The following KLHL29 variants were observed in gnomAD, a reference collection of about 807,000 sequenced individuals.
The protein encoded by KLHL29 is kelch-like protein 29.
KLHL29 carries 21 observed loss-of-function variants against 80.4 expected under a neutral mutation model. The observed-to-expected ratio is 0.26, with a 90% CI of 0.19 to 0.38. KLHL29 has a LOEUF of 0.38. KLHL29 is among the 10% of genes least tolerant of loss of function. The pLI is 1.00. For synonymous variants in KLHL29, 511 were observed against 526.8 expected, an observed-to-expected ratio of 0.97 and a Z score of 0.41; for missense variants, 867 against 1,223.9, an observed-to-expected ratio of 0.71 and a Z score of 4.35.
intron 1 of KLHL29, among the ~76,000 whole-genome samples, chr2:23,393,909 C>T (rs1056850958): frequency 2.6e-5 from 4 of 152,146 alleles, no homozygotes; most frequent in African/African-American, 9.7e-5. Context: ...CCCCTCCCTT[C>T]CCCCTGGGCT....
At chr2:23,611,893 A>C (rs1285124409) in intron 3 of KLHL29, among the ~76,000 whole-genome samples, 1 of 152,054 alleles carries the variant, frequency 6.6e-6, no homozygotes, top group Non-Finnish European at 1.5e-5. Flanking sequence ...CCAAAAAAAA[A>C]AAAGGATTAT....
At chr2:23,441,371 T>C (rs1663516403) in intron 1 of KLHL29, among the ~76,000 whole-genome samples, 1 of 151,388 alleles carries the variant, frequency 6.6e-6, no homozygotes, top group Middle Eastern at 3.2e-3. Context: ...GGAGATATAC[T>C]TAATGCTAAA....
intron 2 of KLHL29, among the ~76,000 whole-genome samples, chr2:23,521,827 A>G (rs764479931): frequency 6.6e-6 from 1 of 152,238 alleles, no homozygotes; most frequent in Admixed American, 6.5e-5. Context: ...TGGTCTTAGT[A>G]GTATCATTAA....
chr2:23,642,525 G>A lies in KLHL29; in HGVS notation c.615G>A (p.Ser205=), dbSNP rs756376025. 31 of 1,534,474 alleles carry A rather than the reference G, an allele frequency of 2.0e-5. 1 individual carries two copies. The South Asian group carries it at 2.2e-4, about 11-fold the overall frequency. ...PQLPLMPGHY[S]LPQPPSQPLS... is the part of the protein sequence containing the mutation. ...TCCCGCTGATGCCAGGCCACTACTC[G>A]CTCCCTCAGCCGCCCTCTCAGCCAC... Residue 205 remains serine, a synonymous_variant, in exon 5 of 14, where the codon TCG becomes TCA. Transcript: ENST00000486442.
At chr2:23,659,416 T>C (rs1232836111) in intron 5 of KLHL29, among the ~76,000 whole-genome samples, 1 of 152,212 alleles carries the variant, frequency 6.6e-6, no homozygotes, top group Non-Finnish European at 1.5e-5. Flanking sequence ...GCTTACCCAG[T>C]GGGTCAGTGG....
At chr2:23,408,228 G>A (rs1572488300) in intron 1 of KLHL29, among the ~76,000 whole-genome samples, 1 of 110,170 alleles carries the variant, frequency 9.1e-6, no homozygotes, top group East Asian at 3.1e-4. Context: ...GACATATCTT[G>A]TATAGCCCAG....
rs1672828550 is a variant in KLHL29, at chr2:23,707,967, AAC to A, written c.*1305_*1306del. On this transcript the variant is annotated 3_prime_UTR_variant, in exon 14 of 14. Transcript: ENST00000486442. ...TTAGCCCCTCAAACCTCACACGGTC[AAC>A]AGTTTCCATTCCAGGGCAGGAGAAT... The A allele has an allele frequency of 6.6e-6, 1 of 152,254 alleles. No homozygotes were observed. Among genetic ancestry groups the A allele is most frequent in the African/African-American group, 2.4e-5 (1 of 41,466 alleles). The allele number at this position is 152,254 out of a possible 1,614,324, so 9.4% of individuals were successfully genotyped here. A position where few individuals can be genotyped will look rare whatever the true frequency, so the allele number is the denominator to read the frequency against.
At chr2:23,455,686 A>G (rs1664031200) in intron 1 of KLHL29, among the ~76,000 whole-genome samples, 1 of 142,342 alleles carries the variant, frequency 7.0e-6, no homozygotes, top group South Asian at 2.2e-4. Flanking sequence ...ATCTCGGCTC[A>G]CTGCAACCTC....
At chr2:23,512,492 A>G (rs942019069) in intron 2 of KLHL29, among the ~76,000 whole-genome samples, 1 of 152,180 alleles carries the variant, frequency 6.6e-6, no homozygotes, top group Non-Finnish European at 1.5e-5. Flanking sequence ...TCACATTGTG[A>G]TATGGCAAGG....
Position 23,684,256 on chromosome 2 carries a change from G to A in KLHL29, c.941-143G>A, listed in dbSNP as rs1300196819. The stretch of plus-strand genomic sequence containing the variant: ...TGTTTGTGACTTCTTTTGACTGTCA[G>A]TGTTGAGCCAGTCTTGCCAAGAAAC... On this transcript the variant is annotated intron_variant, in intron 5 of 13. Transcript: ENST00000486442. This position sits in a 1 kb window ranked among gnomAD's most constrained non-coding sequence, Gnocchi z 4.4. 7 of 542,898 alleles carry A rather than the reference G, an allele frequency of 1.3e-5. No homozygotes were observed. The highest frequency in any genetic ancestry group is 2.0e-5 in the Non-Finnish European group (7 of 343,742). The allele number at this position is 542,898 out of a possible 1,614,324, so 33.6% of individuals were successfully genotyped here.
chr2:23,465,932 G>A (rs1162657954), intron 1 of KLHL29, among the ~76,000 whole-genome samples: 1 of 151,960 alleles, frequency 6.6e-6, no homozygotes, highest in Non-Finnish European at 1.5e-5. Context: ...GTGTGATGGG[G>A]CAGGTGCCAA....
chr2:23,687,873 G>A lies in KLHL29; in HGVS notation c.1079+3336G>A, dbSNP rs556165989. ...ACCTGGGTCACAGGAGCCTGGGGGC[G>A]TTGCGACCAGATGTGTGTTTTGTAA... On this transcript the variant is annotated intron_variant, in intron 6 of 13. Transcript: ENST00000486442. 5.3e-5 allele frequency among the ~76,000 whole-genome samples: 8 copies of A among 152,270 alleles called. No homozygotes were observed. In the East Asian group the frequency reaches 9.6e-4, roughly 18 times the overall value.
At chr2:23,398,402 T>A (rs970678434) in intron 1 of KLHL29, among the ~76,000 whole-genome samples, 1 of 152,244 alleles carries the variant, frequency 6.6e-6, no homozygotes, top group Admixed American at 6.5e-5. Flanking sequence ...ATGAGGTACC[T>A]AGAGTAGTAT....
intron 3 of KLHL29, among the ~76,000 whole-genome samples, chr2:23,577,471 G>A (rs1667871728): frequency 6.6e-6 from 1 of 151,780 alleles, no homozygotes; most frequent in Non-Finnish European, 1.5e-5. Flanking sequence ...GTGGGGCCAT[G>A]CGCGGTGGCT....
At chr2:23,634,946 G>T (rs1306825431) in intron 3 of KLHL29, among the ~76,000 whole-genome samples, 1 of 72,990 alleles carries the variant, frequency 1.4e-5, no homozygotes, top group Admixed American at 1.7e-4. Flanking sequence ...TGCCCTCATG[G>T]AGTCATGGAG....
In KLHL29 at chr2:23,684,374, CCTGT is replaced by C. The variant is rs1266848824; in HGVS notation, c.941-18_941-15del. The C allele has an allele frequency of 1.4e-5, 20 of 1,397,930 alleles. 1 individual carries two copies. The highest frequency in any genetic ancestry group is 1.9e-5 in the Non-Finnish European group (20 of 1,068,758). The allele number at this position is 1,397,930 out of a possible 1,614,324, so 86.6% of individuals were successfully genotyped here. A position where few individuals can be genotyped will look rare whatever the true frequency, so the allele number is the denominator to read the frequency against. On this transcript the variant is annotated intron_variant, in intron 5 of 13. Coordinates refer to ENST00000486442, the MANE Select transcript of KLHL29 (RefSeq NM_052920.2). The surrounding 1 kb of genome is among the most constrained non-coding windows in gnomAD (Gnocchi z 4.4). ...AAAAAACTCTTAATGGGAACCTGGC[CCTGT>C]CTGTCTTCTCTGTTCTGCAGAAATG...
intron 3 of KLHL29, among the ~76,000 whole-genome samples, chr2:23,580,755 G>T: frequency 1.2e-5 from 1 of 83,802 alleles, no homozygotes; most frequent in African/African-American, 3.4e-5. Context: ...GAGGCAGGTG[G>T]ATCACAAGGT....
chr2:23,488,307 AG>A (rs773966544), intron 2 of KLHL29, among the ~76,000 whole-genome samples: 31 of 152,314 alleles, frequency 2.0e-4, no homozygotes, highest in Non-Finnish European at 2.8e-4. Context: ...GAAGGCAGAG[AG>A]GGGGGCCCAG....
chr2:23,658,169 A>C (rs1670298513), intron 5 of KLHL29, among the ~76,000 whole-genome samples: 1 of 149,140 alleles, frequency 6.7e-6, no homozygotes. Flanking sequence ...CCCTACTCAC[A>C]CCCTTCAAGG....
Sources: gnomAD v4.1 joint callset for allele counts (sites outside exome capture counted in the v4.1 genomes callset) on GRCh38, gnomAD v4.1.1 for gene constraint, Gnocchi (gnomAD v3.1) non-coding constraint, MANE v1.5 for transcripts, NCBI Gene and HGNC (gene_info 2026-07-23, HGNC 2026-07-21) for gene names.